Variants in SLIT3 observed in about 807,000 individuals in gnomAD.
SLIT3 encodes slit guidance ligand 3, also known as slit homolog 3 protein.
A neutral mutation model predicts 184.0 loss-of-function variants in SLIT3; 68 were observed. The observed-to-expected ratio is 0.37, with a 90% CI of 0.30 to 0.45. SLIT3 has a LOEUF of 0.45. SLIT3 is among the 20% of genes least tolerant of loss of function. The pLI is 1.00. For missense variants in SLIT3, 1,707 were observed against 2,026.0 expected, an observed-to-expected ratio of 0.84 and a Z score of 3.02; for synonymous variants, 831 against 828.6, an observed-to-expected ratio of 1.00 and a Z score of -0.05.
chr5:169,109,642 A>G (rs1241991639), intron 4 of SLIT3, among the ~76,000 whole-genome samples: 1 of 152,212 alleles, frequency 6.6e-6, no homozygotes, highest in Non-Finnish European at 1.5e-5. Flanking sequence ...CTGGAAGAAC[A>G]AAACTAAGGG....
chr5:168,860,144 A>G (rs1040310953), intron 5 of SLIT3, among the ~76,000 whole-genome samples: 4 of 152,022 alleles, frequency 2.6e-5, no homozygotes, highest in Non-Finnish European at 5.9e-5. Flanking sequence ...GATCTCAGAG[A>G]TCATCAGATG....
intron 3 of SLIT3, among the ~76,000 whole-genome samples, chr5:169,198,662 G>A (rs1388418346): frequency 1.3e-5 from 2 of 152,248 alleles, no homozygotes; most frequent in Admixed American, 6.5e-5. Context: ...GGCCGGGCGT[G>A]GTGGCTCATG....
intron 14 of SLIT3, among the ~76,000 whole-genome samples, chr5:168,763,075 T>G (rs891397574): frequency 4.6e-5 from 7 of 152,092 alleles, no homozygotes; most frequent in African/African-American, 1.4e-4. Flanking sequence ...GCTTCACAAC[T>G]CCTATCATTC....
chr5:169,145,246 TC>T (rs1308512449), intron 4 of SLIT3, among the ~76,000 whole-genome samples: 1 of 151,878 alleles, frequency 6.6e-6, no homozygotes, highest in Non-Finnish European at 1.5e-5. Flanking sequence ...TTAATTAGAG[TC>T]CAATTTGGAG....
intron 4 of SLIT3, among the ~76,000 whole-genome samples, chr5:168,922,455 T>TAAAA (rs769996834): frequency 3.0e-5 from 1 of 33,546 alleles, no homozygotes; most frequent in African/African-American, 1.2e-4. Context: ...AGACTCTGTC[T>TAAAA]CAAAAAAAAA....
chr5:169,061,924 C>T (rs1203208787), intron 4 of SLIT3, among the ~76,000 whole-genome samples: 1 of 152,170 alleles, frequency 6.6e-6, no homozygotes, highest in Non-Finnish European at 1.5e-5. Flanking sequence ...TGAGTCTATC[C>T]CACTGCCTTG....
intron 9 of SLIT3, among the ~76,000 whole-genome samples, chr5:168,795,908 C>A (rs760221763): frequency 6.6e-6 from 1 of 151,900 alleles, no homozygotes; most frequent in South Asian, 2.1e-4. Flanking sequence ...AAGCAGAATG[C>A]GGAATAAGTC....
intron 4 of SLIT3, among the ~76,000 whole-genome samples, chr5:169,181,121 T>C (rs998898578): frequency 6.6e-6 from 1 of 152,232 alleles, no homozygotes; most frequent in Non-Finnish European, 1.5e-5. Context: ...TCACTGCAGC[T>C]GCCTTTCTAA....
intron 15 of SLIT3, 120 bp from the exon 16 acceptor site, chr5:168,761,056 C>T (rs1158959637): frequency 3.9e-5 from 29 of 751,916 alleles, no homozygotes; most frequent in East Asian, 3.8e-4. Context: ...ACAGAGCCAT[C>T]GGAAGCTTTG....
intron 23 of SLIT3, among the ~76,000 whole-genome samples, chr5:168,715,780 C>G (rs1762705578): frequency 6.6e-6 from 1 of 152,140 alleles, no homozygotes; most frequent in African/African-American, 2.4e-5. Context: ...TCAAGCGATT[C>G]TCCTGCCTCA....
chr5:169,144,667 T>C (rs1441181485), intron 4 of SLIT3, among the ~76,000 whole-genome samples: 1 of 152,206 alleles, frequency 6.6e-6, no homozygotes, highest in African/African-American at 2.4e-5. Flanking sequence ...GGAAGCCATG[T>C]CCACCACCCA....
chr5:168,864,799 T>C (rs1759239542), intron 5 of SLIT3, among the ~76,000 whole-genome samples: 1 of 152,166 alleles, frequency 6.6e-6, no homozygotes, highest in South Asian at 2.1e-4. Flanking sequence ...TCTAAGACAA[T>C]GGGATAGAGG....
At chr5:169,134,715 G>A (rs566109004) in intron 4 of SLIT3, among the ~76,000 whole-genome samples, 52 of 152,274 alleles carry the variant, frequency 3.4e-4, no homozygotes, top group Middle Eastern at 3.4e-3. Flanking sequence ...AAACCTGCAC[G>A]TTGTGCACAT....
At chr5:168,667,788 GTTGTTAAAAGTCTTTAAAATTATGAGA>G (rs1213682542) in intron 35 of SLIT3, 3 of 152,238 alleles carry the variant, frequency 2.0e-5, no homozygotes, top group South Asian at 4.1e-4. Context: ...AGCTTCAGGT[GTTGTTAAAAGTCTTTAAAATTATGAGA>G]TTGTTAAAAG....
chr5:168,817,409 A>T lies in SLIT3; in HGVS notation c.684T>A (p.Asp228Glu). 1 of 1,614,168 alleles carries T rather than the reference A, an allele frequency of 6.2e-7. No homozygotes were observed. Among genetic ancestry groups the T allele is most frequent in the Non-Finnish European group, 8.5e-7 (1 of 1,180,022 alleles). ...YCDCHLAWLS[D>E]WLRQRRTVGQ... ...CAACTGTCCGTCGCTGTCGCAGCCAATCCGAGAGCCAGGCCAGGTGGCAGT... is the reference window on the plus strand; with the variant it reads ...CAACTGTCCGTCGCTGTCGCAGCCATTCCGAGAGCCAGGCCAGGTGGCAGT... Residue 228 changes from aspartate (D) to glutamate (E), a missense_variant, in exon 8 of 36, where the codon GAT becomes GAA. Around this residue, in one of 3 missense-constraint regions of SLIT3, gnomAD observed 1,307 missense variants for 1,511.6 expected, o/e 0.86. Transcript: ENST00000519560.
At chr5:168,778,386 A>AT (rs1755836734) in intron 12 of SLIT3, among the ~76,000 whole-genome samples, 2 of 152,016 alleles carry the variant, frequency 1.3e-5, no homozygotes, top group African/African-American at 4.8e-5. Context: ...TCTCTTTTCC[A>AT]TTTTCCCTAT....
At chr5:168,996,077 G>A (rs1389256137) in intron 4 of SLIT3, among the ~76,000 whole-genome samples, 1 of 152,228 alleles carries the variant, frequency 6.6e-6, no homozygotes, top group Non-Finnish European at 1.5e-5. Context: ...ACGGGGCCAG[G>A]CACAGGGCAG....
chr5:168,834,156 C>T (rs191055320), intron 6 of SLIT3, among the ~76,000 whole-genome samples: 11 of 152,280 alleles, frequency 7.2e-5, no homozygotes, highest in East Asian at 1.9e-4. Flanking sequence ...GTTCCCTAAC[C>T]GGCTGCCGCA....
In SLIT3 at chr5:168,752,876, G is replaced by T. The variant is rs1581039438; in HGVS notation, c.1973+79C>A. The stretch of plus-strand genomic sequence containing the variant: ...AGACAGATAGATGAGCCTGGCTAGA[G>T]GTAGCAGGGAGCTGGGAGGAGAGAG... On this transcript the variant is annotated intron_variant, in intron 18 of 35. Transcript: ENST00000519560. The T allele has an allele frequency of 4.3e-6, 6 of 1,395,556 alleles. No individual in the cohort carries two copies. The East Asian group carries it at 1.4e-4, about 32-fold the overall frequency. 86.4% of individuals were successfully genotyped at this position (1,395,556 alleles called of 1,614,324 possible). A position where few individuals can be genotyped will look rare whatever the true frequency, so the allele number is the denominator to read the frequency against.
Sources: allele counts gnomAD v4.1 joint callset (sites outside exome capture counted in the v4.1 genomes callset), GRCh38; gene constraint gnomAD v4.1.1; regional missense constraint gnomAD v4.1.1; transcripts MANE v1.5; gene names NCBI Gene and HGNC (gene_info 2026-07-23, HGNC 2026-07-21).